Variants in CNTNAP2 observed in about 807,000 individuals in gnomAD.
The protein encoded by CNTNAP2 is contactin associated protein 2.
Under a neutral mutation model 155.2 loss-of-function variants are expected in CNTNAP2, and 98 were observed. The ratio of observed to expected loss-of-function variants is 0.63; its 90% CI spans 0.54 to 0.75. The LOEUF is 0.75. Ranked by LOEUF, CNTNAP2 falls within the 30% of genes least tolerant of loss-of-function variation. The pLI is 0.00. For missense variants in CNTNAP2, 1,727 were observed against 1,688.1 expected (o/e 1.02, Z -0.40); for synonymous variants, 651 against 631.2 (o/e 1.03, Z -0.47).
chr7:147,247,150 A>G (rs1296147988), intron 8 of CNTNAP2, among the ~76,000 whole-genome samples: 26 of 152,288 alleles, frequency 1.7e-4, no homozygotes, highest in Non-Finnish European at 5.9e-5. Context: ...TATTTTCTAG[A>G]TATTATTATA....
chr7:147,510,234 C>A (rs1798990283), intron 11 of CNTNAP2, among the ~76,000 whole-genome samples: 1 of 152,156 alleles, frequency 6.6e-6, no homozygotes, highest in African/African-American at 2.4e-5. Context: ...ACTTCAAGTT[C>A]CCCAGACTCT....
At chr7:146,714,340 T>TAG (rs1409807618) in intron 1 of CNTNAP2, among the ~76,000 whole-genome samples, 2 of 152,228 alleles carry the variant, frequency 1.3e-5, no homozygotes, top group Admixed American at 6.5e-5. Context: ...AGCTTAGACA[T>TAG]AACTATTTGC....
intron 1 of CNTNAP2, among the ~76,000 whole-genome samples, chr7:146,228,385 C>A (rs557150960): frequency 6.6e-6 from 1 of 152,246 alleles, no homozygotes; most frequent in South Asian, 2.1e-4. Flanking sequence ...GGACCTCAGT[C>A]TTCTCATATG....
chr7:147,260,148 G>A (rs1002441437), intron 8 of CNTNAP2, among the ~76,000 whole-genome samples: 2 of 152,192 alleles, frequency 1.3e-5, no homozygotes, highest in African/African-American at 4.8e-5. Flanking sequence ...GAACGGTAGT[G>A]AGCCATATCT....
At chr7:147,053,373 G>A (rs1799505989) in intron 4 of CNTNAP2, among the ~76,000 whole-genome samples, 1 of 152,052 alleles carries the variant, frequency 6.6e-6, no homozygotes, top group Admixed American at 6.6e-5. Flanking sequence ...TTACTTGGAA[G>A]AAACTTACAA....
intron 1 of CNTNAP2, among the ~76,000 whole-genome samples, chr7:146,721,566 A>ATATATTCTATATACATTCTATG (rs1801317549): frequency 8.7e-6 from 1 of 115,138 alleles, no homozygotes; most frequent in African/African-American, 4.1e-5. Flanking sequence ...TACATTCTAT[A>ATATATTCTATATACATTCTATG]TATATTCTAT....
intron 8 of CNTNAP2, among the ~76,000 whole-genome samples, chr7:147,207,896 A>G (rs1803054121): frequency 6.6e-6 from 1 of 152,186 alleles, no homozygotes; most frequent in African/African-American, 2.4e-5. Flanking sequence ...TAGTGGAGAA[A>G]TAGGTTGCTT....
intron 1 of CNTNAP2, among the ~76,000 whole-genome samples, chr7:146,677,862 C>G (rs570734625): frequency 6.6e-6 from 1 of 151,850 alleles, no homozygotes; most frequent in South Asian, 2.1e-4. Flanking sequence ...GAAATAATTG[C>G]CCCCAGACGT....
At chr7:148,224,631 A>G (rs1795812914) in intron 19 of CNTNAP2, among the ~76,000 whole-genome samples, 1 of 152,236 alleles carries the variant, frequency 6.6e-6, no homozygotes, top group Admixed American at 6.5e-5. Flanking sequence ...TTTTGAAAAC[A>G]TGGGGAAGAA....
chr7:146,995,756 C>A (rs1045708681), intron 3 of CNTNAP2, among the ~76,000 whole-genome samples: 4 of 152,064 alleles, frequency 2.6e-5, no homozygotes, highest in African/African-American at 9.7e-5. Flanking sequence ...AAAAGCACTC[C>A]ATGAATGTAT....
intron 3 of CNTNAP2, among the ~76,000 whole-genome samples, chr7:146,910,814 T>C (rs988887028): frequency 3.4e-5 from 5 of 148,524 alleles, no homozygotes; most frequent in African/African-American, 1.3e-4. Context: ...TGGGATCTAA[T>C]TAAACTAAAG....
chr7:146,445,775 AAAC>A lies in CNTNAP2; in HGVS notation c.98-328491_98-328489del, dbSNP rs547420554. 1.8e-4 allele frequency among the ~76,000 whole-genome samples: 28 copies of A among 152,294 alleles called. No homozygotes were observed. In the East Asian group the frequency reaches 4.2e-3, roughly 23 times the overall value. ...GGGAGAAAGAATGGATTGGTAGTGGAAACAACATTTCCCACAAGCCTATTTATT... is the reference window on the plus strand; with the variant it reads ...GGGAGAAAGAATGGATTGGTAGTGGAAACATTTCCCACAAGCCTATTTATT... On this transcript the variant is annotated intron_variant, in intron 1 of 23. Coordinates refer to ENST00000361727, the MANE Select transcript of CNTNAP2 (RefSeq NM_014141.6).
intron 1 of CNTNAP2, among the ~76,000 whole-genome samples, chr7:146,277,913 A>C (rs1800189346): frequency 6.6e-6 from 1 of 152,206 alleles, no homozygotes; most frequent in African/African-American, 2.4e-5. Flanking sequence ...AAGGACAAGA[A>C]AGAAAAATTT....
intron 18 of CNTNAP2, among the ~76,000 whole-genome samples, chr7:148,207,686 A>G (rs1795473908): frequency 6.6e-6 from 1 of 152,188 alleles, no homozygotes; most frequent in African/African-American, 2.4e-5. Flanking sequence ...GCCACATTCT[A>G]AGAAGAGGGA....
intron 21 of CNTNAP2, among the ~76,000 whole-genome samples, chr7:148,287,404 A>T (rs1167300323): frequency 1.3e-5 from 2 of 152,232 alleles, no homozygotes; most frequent in South Asian, 4.1e-4. Flanking sequence ...ATAATTGTAT[A>T]CACCTCCCAG....
chr7:146,945,653 G>T (rs1797151098), intron 3 of CNTNAP2, among the ~76,000 whole-genome samples: 1 of 152,008 alleles, frequency 6.6e-6, no homozygotes, highest in Non-Finnish European at 1.5e-5. Flanking sequence ...AAGATATTTA[G>T]CTCAGGCCCT....
intron 21 of CNTNAP2, among the ~76,000 whole-genome samples, chr7:148,269,441 CA>C (rs748826640): frequency 8.5e-5 from 13 of 152,230 alleles, no homozygotes; most frequent in Non-Finnish European, 1.9e-4. Context: ...GTTCTGTGAA[CA>C]AGAAGAGACT....
intron 1 of CNTNAP2, among the ~76,000 whole-genome samples, chr7:146,709,007 A>C (rs950490426): frequency 1.3e-5 from 2 of 152,162 alleles, no homozygotes; most frequent in African/African-American, 4.8e-5. Flanking sequence ...ATGATATTTT[A>C]AGAGATTTTG....
intron 3 of CNTNAP2, among the ~76,000 whole-genome samples, chr7:146,864,989 C>CT (rs1795174670): frequency 7.7e-5 from 2 of 25,898 alleles, no homozygotes; most frequent in South Asian, 8.0e-4. Flanking sequence ...CAGAGTCTAT[C>CT]TAAAAAAAAA....
Sources: gnomAD v4.1 joint callset for allele counts (sites outside exome capture counted in the v4.1 genomes callset) on GRCh38, gnomAD v4.1.1 for gene constraint, MANE v1.5 for transcripts, NCBI Gene and HGNC (gene_info 2026-07-23, HGNC 2026-07-21) for gene names.